The following MYB variants were observed in gnomAD, a reference collection of about 807,000 sequenced individuals.
MYB encodes transcriptional activator Myb.
In MYB, 28 loss-of-function variants were observed where a neutral mutation model predicts 92.9. The ratio of observed to expected loss-of-function variants is 0.30; its 90% CI spans 0.22 to 0.41. The LOEUF (loss-of-function observed/expected upper bound fraction) is 0.41. Ranked by LOEUF, MYB falls within the 10% of genes least tolerant of loss-of-function variation. MYB has a pLI of 1.00. For missense variants in MYB, 679 were observed against 929.3 expected (o/e 0.73, Z 3.50); for synonymous variants, 295 against 329.1 (o/e 0.90, Z 1.12).
At chr6:135,212,860 C>T (rs1410854121) in intron 15 of MYB, among the ~76,000 whole-genome samples, 1 of 152,202 alleles carries the variant, frequency 6.6e-6, no homozygotes, top group Non-Finnish European at 1.5e-5. Context: ...AGCACAAAGA[C>T]ATTAATCTTC....
rs1448849987 is a variant in MYB, at chr6:135,182,124, G to T, written c.23+588G>T. Among the ~76,000 whole-genome samples the T allele has an allele frequency of 6.6e-6, 1 of 152,206 alleles. No individual in the cohort carries two copies. Among genetic ancestry groups the T allele is most frequent in the Non-Finnish European group, 1.5e-5 (1 of 68,036 alleles). On this transcript the variant is annotated intron_variant, in intron 1 of 15. Coordinates refer to ENST00000341911, the MANE Select transcript of MYB (RefSeq NM_001130173.2). This position sits in a 1 kb window ranked among gnomAD's most constrained non-coding sequence, Gnocchi z 5.6. ...TCTCTACTTTTGCAAATTGTCTTAA[G>T]ACCTGGTTTTGGAGGTTCGAATCAT...
intron 15 of MYB, among the ~76,000 whole-genome samples, chr6:135,210,520 T>C (rs1226810722): frequency 1.3e-5 from 2 of 152,260 alleles, no homozygotes; most frequent in Non-Finnish European, 2.9e-5. Flanking sequence ...TGTTTTAGAT[T>C]GCTCCTATTT....
chr6:135,203,594 T>A (rs1583354951), intron 15 of MYB: 14 of 804,810 alleles, frequency 1.7e-5, no homozygotes, highest in Non-Finnish European at 2.5e-5. Flanking sequence ...TTACTGTGAC[T>A]GAGACTAAGA....
At chr6:135,205,441 A>G (rs979542311) in intron 15 of MYB, among the ~76,000 whole-genome samples, 1 of 152,230 alleles carries the variant, frequency 6.6e-6, no homozygotes, top group Admixed American at 6.5e-5. Context: ...ATACTTGGGG[A>G]CAATTACCAT....
At chr6:135,194,240 G>A (rs1776995115) in intron 7 of MYB, 116 bp from the exon 8 acceptor site, 1 of 750,060 alleles carries the variant, frequency 1.3e-6, no homozygotes, top group Non-Finnish European at 2.2e-6. Flanking sequence ...TGGTGGTGTT[G>A]TCACAGTGAG....
intron 2 of MYB, among the ~76,000 whole-genome samples, chr6:135,187,613 G>T (rs1365586580): frequency 6.6e-6 from 1 of 152,088 alleles, no homozygotes; most frequent in Non-Finnish European, 1.5e-5. Context: ...AGGTAAAATG[G>T]TATACCCGCT....
In MYB at chr6:135,201,737, G is replaced by T; in HGVS notation, c.2049G>T (p.Val683=). The change falls in exon 14 of 16, where the codon GTG becomes GTT. Residue 683 remains valine (V), a synonymous_variant. Transcript: ENST00000341911. ...NTQLFTQTSP[V]ADAPNILTSS... ...AACTGTTCACGCAGACCTCGCCTGT[G>T]GCAGATGCACCGGTAAGTACGTGTG... The T allele has an allele frequency of 6.7e-7, 1 of 1,494,596 alleles. No individual in the cohort carries two copies. Among genetic ancestry groups the T allele is most frequent in the South Asian group, 1.3e-5 (1 of 75,260 alleles). The allele number at this position is 1,494,596 out of a possible 1,614,324, so 92.6% of individuals were successfully genotyped here. A position where few individuals can be genotyped will look rare whatever the true frequency, so the allele number is the denominator to read the frequency against.
chr6:135,206,204 T>C (rs1778850264), intron 15 of MYB, among the ~76,000 whole-genome samples: 1 of 33,996 alleles, frequency 2.9e-5, no homozygotes, highest in East Asian at 9.0e-4. Context: ...AGACTCCATC[T>C]CAAAAAAAAA....
intron 1 of MYB, among the ~76,000 whole-genome samples, chr6:135,185,153 A>T (rs1775748073): frequency 6.6e-6 from 1 of 152,180 alleles, no homozygotes; most frequent in Non-Finnish European, 1.5e-5. Flanking sequence ...AGTAAGTAAG[A>T]CTCTGACTAA....
chr6:135,211,862 T>G (rs1779749123), intron 15 of MYB, among the ~76,000 whole-genome samples: 1 of 152,206 alleles, frequency 6.6e-6, no homozygotes, highest in Non-Finnish European at 1.5e-5. Flanking sequence ...GTGCTGAAGT[T>G]GGAGTCATTT....
intron 14 of MYB, 86 bp from the exon 15 acceptor site, chr6:135,203,131 G>A: frequency 1.0e-6 from 1 of 959,606 alleles, no homozygotes. Context: ...TCATCTCATA[G>A]TAATCTACTC....
chr6:135,213,162 A>T (rs1271786011), intron 15 of MYB, among the ~76,000 whole-genome samples: 2 of 152,188 alleles, frequency 1.3e-5, no homozygotes, highest in East Asian at 3.8e-4. Flanking sequence ...TGGCTACCAC[A>T]TCCTGGTGTT....
Position 135,195,915 on chromosome 6 carries a change from A to G in MYB, c.1116A>G (p.Ala372=), listed in dbSNP as rs777150356. 1 of 1,614,102 alleles carries G rather than the reference A, an allele frequency of 6.2e-7. No homozygotes were observed. Among genetic ancestry groups the G allele is most frequent in the African/African-American group, 1.3e-5 (1 of 74,940 alleles). ...GSLPEESASP[A]RCMIVHQGTI... Reference sequence around the variant, plus strand: ...TACCTGAAGAAAGCGCCTCGCCAGCAAGGTGCATGATCGTCCACCAGGGCA... The same window carrying G: ...TACCTGAAGAAAGCGCCTCGCCAGCGAGGTGCATGATCGTCCACCAGGGCA... Residue 372 remains alanine (A), a synonymous_variant, in exon 9 of 16, where the codon GCA becomes GCG. Coordinates refer to ENST00000341911, the MANE Select transcript of MYB (RefSeq NM_001130173.2).
intron 7 of MYB, 104 bp from the exon 8 acceptor site, chr6:135,194,252 C>G: frequency 1.2e-6 from 1 of 815,974 alleles, no homozygotes; most frequent in South Asian, 1.8e-5. Context: ...CACAGTGAGG[C>G]TCTTTGGGCT....
At chr6:135,185,765 CTTG>C (rs1775827487) in intron 1 of MYB, 135 bp from the exon 2 acceptor site, 7 of 733,474 alleles carry the variant, frequency 9.5e-6, no homozygotes, top group Non-Finnish European at 1.2e-5. Flanking sequence ...AGCAAACAAT[CTTG>C]TTGTGCAAGT....
chr6:135,182,647 C>T lies in MYB; in HGVS notation c.23+1111C>T, dbSNP rs210962. ...GGCCGAGGCGCGGTGACCGGACAGA[C>T]CCTCGCGAAGGAGTTCTAAGGCGAA... is the stretch of plus-strand genomic sequence containing the variant. On this transcript the variant is annotated intron_variant, in intron 1 of 15. Transcript: ENST00000341911. This position sits in a 1 kb window ranked among gnomAD's most constrained non-coding sequence, Gnocchi z 5.6. Among the ~76,000 whole-genome samples, 48,454 of 152,162 alleles carry T rather than the reference C, an allele frequency of 0.32. 8,632 individuals are homozygous for T. Among genetic ancestry groups the T allele is most frequent in the African/African-American group, 0.47 (19,713 of 41,502 alleles).
chr6:135,202,176 G>T (rs1284758803), intron 14 of MYB, among the ~76,000 whole-genome samples: 1 of 152,016 alleles, frequency 6.6e-6, no homozygotes, highest in African/African-American at 2.4e-5. Context: ...CAATTGCTTT[G>T]GGTTACTACC....
intron 15 of MYB, among the ~76,000 whole-genome samples, chr6:135,207,052 G>T (rs1184426050): frequency 6.6e-6 from 1 of 152,070 alleles, no homozygotes; most frequent in Non-Finnish European, 1.5e-5. Context: ...TTGAAACACA[G>T]TGCTATTTCA....
chr6:135,190,366 A>T lies in MYB; in HGVS notation c.527+19A>T, dbSNP rs41287046. 0.02 allele frequency: 31,576 copies of T among 1,593,396 alleles called. 368 individuals carry two copies. Among genetic ancestry groups the T allele is most frequent in the Middle Eastern group, 0.031 (184 of 6,030 alleles). Reference sequence around the variant, plus strand: ...CTGGACGGTAATAATATGTCAAAAAATATATTGATCGGGAAGAATGAGGGA... The same window carrying T: ...CTGGACGGTAATAATATGTCAAAAATTATATTGATCGGGAAGAATGAGGGA... On this transcript the variant is annotated intron_variant, in intron 5 of 15. Coordinates refer to ENST00000341911, the MANE Select transcript of MYB (RefSeq NM_001130173.2). The surrounding 1 kb of genome is among the most constrained non-coding windows in gnomAD (Gnocchi z 4.5).
Sources: gnomAD v4.1 joint callset for allele counts (sites outside exome capture counted in the v4.1 genomes callset) on GRCh38, gnomAD v4.1.1 for gene constraint, Gnocchi (gnomAD v3.1) non-coding constraint, MANE v1.5 for transcripts, NCBI Gene and HGNC (gene_info 2026-07-23, HGNC 2026-07-21) for gene names.